ZCCHC17: variants seen among roughly 807,000 people sequenced by gnomAD.
ZCCHC17 encodes the protein zinc finger CCHC-type containing 17.
A neutral mutation model predicts 30.6 loss-of-function variants in ZCCHC17; 18 were observed. The observed-to-expected ratio is 0.59, with a 90% CI of 0.41 to 0.87. The LOEUF (loss-of-function observed/expected upper bound fraction) is 0.87. ZCCHC17 is among the 40% of genes least tolerant of loss of function. ZCCHC17 has a pLI of 0.00. For synonymous variants in ZCCHC17, 88 were observed against 92.4 expected, an observed-to-expected ratio of 0.95 and a Z score of 0.27; for missense variants, 263 against 284.2, an observed-to-expected ratio of 0.93 and a Z score of 0.54.
rs1640069825 is a variant in ZCCHC17 at position 31,364,819 on chromosome 1, G to A, written c.*626G>A. 6.6e-6 allele frequency: 1 copy of A among 152,360 alleles called. No individual in the cohort carries two copies. The highest frequency in any genetic ancestry group is 1.5e-5 in the Non-Finnish European group (1 of 68,110). The allele number at this position is 152,360 out of a possible 1,614,324, so 9.4% of individuals were successfully genotyped here. On this transcript the variant is annotated 3_prime_UTR_variant, in exon 8 of 8. Coordinates refer to ENST00000344147, the MANE Select transcript of ZCCHC17 (RefSeq NM_016505.4). ...TGCATTCCAGCAGACCACTGAACCAGACAGCGAAGCCAAGATCATTGTTCT... is the reference window on the plus strand; with the variant it reads ...TGCATTCCAGCAGACCACTGAACCAAACAGCGAAGCCAAGATCATTGTTCT...
At chr1:31,354,789 A>G (rs765845177) in intron 7 of ZCCHC17, among the ~76,000 whole-genome samples, 9 of 152,184 alleles carry the variant, frequency 5.9e-5, no homozygotes, top group Non-Finnish European at 1.0e-4. Flanking sequence ...TGCTTAGTCA[A>G]CCTACTACCC....
At chr1:31,339,964 T>TTTTTG (rs1638976558) in intron 5 of ZCCHC17, among the ~76,000 whole-genome samples, 1 of 109,958 alleles carries the variant, frequency 9.1e-6, no homozygotes, top group Non-Finnish European at 1.7e-5. Context: ...GGATTTCTTT[T>TTTTTG]TTTTTTTTTT....
chr1:31,315,541 A>G lies in ZCCHC17; in HGVS notation c.67-3568A>G, dbSNP rs182961195. Among the ~76,000 whole-genome samples the G allele has an allele frequency of 1.5e-3, 236 of 152,268 alleles. 1 individual carries two copies. Among genetic ancestry groups the G allele is most frequent in the African/African-American group, 5.1e-3 (210 of 41,552 alleles). On this transcript the variant is annotated intron_variant, in intron 2 of 7. Coordinates refer to ENST00000344147, the MANE Select transcript of ZCCHC17 (RefSeq NM_016505.4). ...CCCAAGAAATGCTGAGGGGAGATTC[A>G]TGTTGGTAAGGTCGAAATAGCATTG...
Position 31,297,086 on chromosome 1 carries a change from G to A in ZCCHC17, c.-56+11G>A. ...TGGAGCTGACGCCTAGTACGTATGA[G>A]GAAGAACGGGGTGGGTGGCTGCCTG... is the stretch of plus-strand genomic sequence containing the variant. On this transcript the variant is annotated intron_variant, in intron 1 of 7. Transcript: ENST00000344147. 2.4e-6 allele frequency: 1 copy of A among 424,980 alleles called. No individual in the cohort carries two copies. The highest frequency in any genetic ancestry group is 4.2e-6 in the Non-Finnish European group (1 of 239,768). The allele number at this position is 424,980 out of a possible 1,614,324, so 26.3% of individuals were successfully genotyped here. A position where few individuals can be genotyped will look rare whatever the true frequency, so the allele number is the denominator to read the frequency against.
chr1:31,324,539 G>A (rs1638261402), intron 3 of ZCCHC17, among the ~76,000 whole-genome samples: 2 of 152,232 alleles, frequency 1.3e-5, no homozygotes, highest in Non-Finnish European at 2.9e-5. Flanking sequence ...CATAGTCTCA[G>A]AAGTGCCTGC....
intron 1 of ZCCHC17, among the ~76,000 whole-genome samples, chr1:31,304,858 G>A (rs1646411911): frequency 6.6e-6 from 1 of 152,046 alleles, no homozygotes; most frequent in Admixed American, 6.5e-5. Flanking sequence ...GCCTCCCAAA[G>A]TGCTGGGATT....
At chr1:31,361,786 A>ATTATTTAT (rs3049344) in intron 7 of ZCCHC17, among the ~76,000 whole-genome samples, 2,874 of 145,894 alleles carry the variant, frequency 0.02, 38 homozygotes, top group South Asian at 0.041. Context: ...AGAGGGGGAG[A>ATTATTTAT]TTATTTATTT....
intron 1 of ZCCHC17, among the ~76,000 whole-genome samples, chr1:31,300,553 G>A (rs1646286128): frequency 6.6e-6 from 1 of 152,180 alleles, no homozygotes; most frequent in Admixed American, 6.5e-5. Context: ...TAAAGACAGA[G>A]TTAAAGGGAG....
intron 7 of ZCCHC17, among the ~76,000 whole-genome samples, chr1:31,363,405 G>A (rs1394528674): frequency 5.9e-5 from 9 of 152,086 alleles, no homozygotes; most frequent in South Asian, 2.1e-4. Flanking sequence ...GGATGGTCTC[G>A]ATCTCCTGAC....
intron 2 of ZCCHC17, among the ~76,000 whole-genome samples, chr1:31,312,240 AC>A (rs1646623025): frequency 6.6e-6 from 1 of 152,066 alleles, no homozygotes; most frequent in African/African-American, 2.4e-5. Flanking sequence ...AATTTTTTTT[AC>A]CCATCATAAA....
intron 7 of ZCCHC17, among the ~76,000 whole-genome samples, chr1:31,352,683 G>A (rs1418790578): frequency 6.6e-6 from 1 of 152,120 alleles, no homozygotes; most frequent in Non-Finnish European, 1.5e-5. Context: ...CTGGCCTCAA[G>A]CAGTCTTCCC....
intron 1 of ZCCHC17, among the ~76,000 whole-genome samples, chr1:31,303,118 C>A (rs12024386): frequency 1.8e-3 from 263 of 146,338 alleles, no homozygotes; most frequent in African/African-American, 6.8e-3. Flanking sequence ...CTCTACCCCC[C>A]CTCAAAAAAA....
rs889834766 is a variant in ZCCHC17, at chr1:31,364,387, T to G, written c.*194T>G. 8.3e-6 allele frequency: 8 copies of G among 964,550 alleles called. No individual in the cohort carries two copies. Among genetic ancestry groups the G allele is most frequent in the Non-Finnish European group, 1.2e-5 (8 of 667,564 alleles). The allele number at this position is 964,550 out of a possible 1,614,324, so 59.7% of individuals were successfully genotyped here. A position where few individuals can be genotyped will look rare whatever the true frequency, so the allele number is the denominator to read the frequency against. On this transcript the variant is annotated 3_prime_UTR_variant, in exon 8 of 8. Coordinates refer to ENST00000344147, the MANE Select transcript of ZCCHC17 (RefSeq NM_016505.4). ...AAAAGCAGCTGCCTGAATGAGTTGT[T>G]GTTTCCTTATCACTCCTGGTCCCTT...
At chr1:31,334,020 G>A (rs1317677007) in intron 3 of ZCCHC17, among the ~76,000 whole-genome samples, 4 of 152,188 alleles carry the variant, frequency 2.6e-5, no homozygotes, top group South Asian at 2.1e-4. Context: ...AATTAGGCTA[G>A]TTGGCTCATT....
At chr1:31,356,213 A>G (rs1030656986) in intron 7 of ZCCHC17, among the ~76,000 whole-genome samples, 3 of 152,236 alleles carry the variant, frequency 2.0e-5, no homozygotes, top group East Asian at 1.9e-4. Flanking sequence ...CAGCCAAGCT[A>G]TGTATGGTGG....
chr1:31,310,091 T>G lies in ZCCHC17; in HGVS notation c.-8T>G. ...GAAGAGAAATGGAGGAGCCATAGAA[T>G]ATTAAGGATGAATTCAGGAAGGCCT... On this transcript the variant is annotated 5_prime_UTR_variant, in exon 2 of 8. Coordinates refer to ENST00000344147, the MANE Select transcript of ZCCHC17 (RefSeq NM_016505.4). 1 of 1,613,914 alleles carries G rather than the reference T, an allele frequency of 6.2e-7. No individual in the cohort carries two copies. The highest frequency in any genetic ancestry group is 8.5e-7 in the Non-Finnish European group (1 of 1,179,918).
intron 3 of ZCCHC17, among the ~76,000 whole-genome samples, chr1:31,328,179 T>TA (rs1478081263): frequency 6.6e-6 from 1 of 152,202 alleles, no homozygotes; most frequent in Non-Finnish European, 1.5e-5. Flanking sequence ...AGTATGTTGT[T>TA]ATGTTATTAT....
intron 3 of ZCCHC17, among the ~76,000 whole-genome samples, chr1:31,320,696 A>T (rs1646840848): frequency 6.6e-6 from 1 of 152,016 alleles, no homozygotes; most frequent in Non-Finnish European, 1.5e-5. Context: ...CAGTTGATGG[A>T]TATTTGGGTT....
chr1:31,331,163 A>G (rs965554019), intron 3 of ZCCHC17, among the ~76,000 whole-genome samples: 1 of 151,406 alleles, frequency 6.6e-6, no homozygotes, highest in African/African-American at 2.4e-5. Flanking sequence ...TTCTCTTGAG[A>G]CGGAGTCTTG....
Sources: allele counts gnomAD v4.1 joint callset (sites outside exome capture counted in the v4.1 genomes callset), GRCh38; gene constraint gnomAD v4.1.1; transcripts MANE v1.5; gene names NCBI Gene and HGNC (gene_info 2026-07-23, HGNC 2026-07-21).